The following KALRN variants were observed in gnomAD, a reference collection of about 807,000 sequenced individuals.
KALRN encodes the protein kalirin RhoGEF kinase, also known as kalirin.
Under a neutral mutation model 353.7 loss-of-function variants are expected in KALRN, and 70 were observed. That is an observed-to-expected ratio of 0.20 (90% confidence interval 0.16 to 0.24). KALRN has a LOEUF of 0.24. Ranked by LOEUF, KALRN falls within the 10% of genes least tolerant of loss-of-function variation. KALRN has a pLI of 1.00. For synonymous variants in KALRN, 1,391 were observed against 1,434.8 expected, an observed-to-expected ratio of 0.97 and a Z score of 0.69; for missense variants, 2,791 against 3,756.7, an observed-to-expected ratio of 0.74 and a Z score of 6.72.
rs1165074996 is a variant in KALRN at position 124,388,314 on chromosome 3, T to C, written c.1962+3278T>C. ...AAGTTTCTTTAATAAATTAGGAACT[T>C]AAAGACTCAACTTAGACATCATTTT... is the stretch of plus-strand genomic sequence containing the variant. On this transcript the variant is annotated intron_variant, in intron 11 of 59. Transcript: ENST00000682506. Among the ~76,000 whole-genome samples the C allele has an allele frequency of 4.6e-5, 7 of 152,218 alleles. No homozygotes were observed. In the East Asian group the frequency reaches 1.3e-3, roughly 29 times the overall value.
At chr3:124,201,906 C>A (rs1477191822) in intron 1 of KALRN, among the ~76,000 whole-genome samples, 1 of 152,220 alleles carries the variant, frequency 6.6e-6, no homozygotes, top group Non-Finnish European at 1.5e-5. Flanking sequence ...GGAGCCCTGA[C>A]CAGCAGCTGC....
intron 3 of KALRN, among the ~76,000 whole-genome samples, chr3:124,255,652 A>T (rs189427217): frequency 1.3e-5 from 2 of 152,338 alleles, no homozygotes; most frequent in East Asian, 3.9e-4. Flanking sequence ...TAGATACCCC[A>T]CAATAGCCAT....
At chr3:124,455,115 T>G in intron 21 of KALRN, 62 bp from the exon 22 acceptor site, 1 of 1,572,324 alleles carries the variant, frequency 6.4e-7, no homozygotes, top group Admixed American at 1.7e-5. Context: ...AAGAGAGGAT[T>G]TGGGGTGAAG....
At chr3:124,379,296 A>G (rs1283158017) in intron 10 of KALRN, among the ~76,000 whole-genome samples, 1 of 152,140 alleles carries the variant, frequency 6.6e-6, no homozygotes, top group Non-Finnish European at 1.5e-5. Context: ...ACCATTTTAA[A>G]ATACTTGTCT....
chr3:124,537,748 T>C (rs753320038), intron 33 of KALRN, among the ~76,000 whole-genome samples: 37 of 152,164 alleles, frequency 2.4e-4, no homozygotes, highest in Non-Finnish European at 8.8e-5. Flanking sequence ...AGGTAGCAGA[T>C]GAGTAGGAAA....
chr3:124,339,811 AC>A (rs1446856010), intron 9 of KALRN, among the ~76,000 whole-genome samples: 2 of 152,210 alleles, frequency 1.3e-5, no homozygotes, highest in African/African-American at 4.8e-5. Flanking sequence ...TCTTTAGTTT[AC>A]CTAAAACATC....
At chr3:124,566,002 A>G (rs1578026019) in intron 34 of KALRN, among the ~76,000 whole-genome samples, 1 of 152,202 alleles carries the variant, frequency 6.6e-6, no homozygotes, top group South Asian at 2.1e-4. Flanking sequence ...AGAACTTTCC[A>G]GCTAATTCTG....
At chr3:124,679,548 A>G in intron 51 of KALRN, 31 bp downstream of exon 51, 1 of 1,569,738 alleles carries the variant, frequency 6.4e-7, no homozygotes, top group Admixed American at 1.7e-5. Flanking sequence ...CCTATTTCCT[A>G]CAATGATTGC....
chr3:124,602,954 G>GTTGTTTTGTTTTGTT, intron 34 of KALRN, among the ~76,000 whole-genome samples: 1 of 38,162 alleles, frequency 2.6e-5, no homozygotes, highest in Non-Finnish European at 4.8e-5. Flanking sequence ...TTTTTTTGTT[G>GTTGTTTTGTTTTGTT]TTGTTTTGTT....
chr3:124,347,241 T>G lies in KALRN; in HGVS notation c.1746T>G (p.His582Gln). The G allele has an allele frequency of 6.2e-7, 1 of 1,610,434 alleles. No homozygotes were observed. The highest frequency in any genetic ancestry group is 1.7e-5 in the Admixed American group (1 of 59,700). Residue 582 changes from histidine to glutamine, a missense_variant, in exon 10 of 60, where the codon CAT becomes CAG. His to Gln is a conservative substitution (Grantham distance 24). Around this residue, in one of 11 missense-constraint regions of KALRN, gnomAD observed 15 missense variants for 54.6 expected, o/e 0.27. Transcript: ENST00000682506. ...GAGCCCGGGCCCTGCAGAAGAGGCA[T>G]GATGACTTTGAAGAGGTGGCTCAGG... ...LHRARALQKR[H>Q]DDFEEVAQNT...
At chr3:124,095,238 C>T (rs1158964353) in intron 1 of KALRN, among the ~76,000 whole-genome samples, 1 of 152,156 alleles carries the variant, frequency 6.6e-6, no homozygotes, top group African/African-American at 2.4e-5. Context: ...ATAGAACTCT[C>T]TGAGAAGCAG....
In KALRN at chr3:124,717,250, G is replaced by C; in HGVS notation, c.8280G>C (p.Met2760Ile). 1.9e-6 allele frequency: 3 copies of C among 1,594,956 alleles called. No individual in the cohort carries two copies. The highest frequency in any genetic ancestry group is 1.7e-6 in the Non-Finnish European group (2 of 1,172,334). ...GCCTTTCCCTGCCTACTTTCAGGAT[G>C]GATGATGGCCGGCTCTTAGACTACC... ...PTSYILILEL[M>I]DDGRLLDYLM... The change falls in exon 59 of 60, where the codon ATG (methionine) becomes ATC (isoleucine). Residue 2760 changes from methionine (M) to isoleucine (I), a missense_variant. Met to Ile is a conservative substitution (Grantham distance 10). Around this residue, in one of 11 missense-constraint regions of KALRN, gnomAD observed 188 missense variants for 402.9 expected, o/e 0.47. Coordinates refer to ENST00000682506, the MANE Select transcript of KALRN (RefSeq NM_001388419.1).
intron 14 of KALRN, among the ~76,000 whole-genome samples, chr3:124,417,629 A>G (rs1342860356): frequency 6.6e-6 from 1 of 152,248 alleles, no homozygotes; most frequent in African/African-American, 2.4e-5. Context: ...AAGTTTTGTG[A>G]GGATCACTCT....
At chr3:124,673,975 C>T (rs1221393212) in intron 48 of KALRN, among the ~76,000 whole-genome samples, 2 of 152,106 alleles carry the variant, frequency 1.3e-5, no homozygotes, top group Non-Finnish European at 2.9e-5. Flanking sequence ...AGGATTGTGA[C>T]CCCTGACATG....
intron 7 of KALRN, among the ~76,000 whole-genome samples, chr3:124,328,636 T>C (rs1247553851): frequency 6.6e-6 from 1 of 152,212 alleles, no homozygotes; most frequent in African/African-American, 2.4e-5. Context: ...AGAAATGGTC[T>C]AGTGTGTTAC....
chr3:124,513,382 G>T (rs2066164882), intron 33 of KALRN, among the ~76,000 whole-genome samples: 1 of 152,130 alleles, frequency 6.6e-6, no homozygotes, highest in South Asian at 2.1e-4. Flanking sequence ...TGATTCCAGA[G>T]GGAGGGGTTC....
In KALRN at chr3:124,326,174, A is replaced by G. The variant is rs1027706460; in HGVS notation, c.1284+3A>G. On this transcript the variant is annotated splice_donor_region_variant and intron_variant, in intron 7 of 59. Transcript: ENST00000682506. ...TGTTCCACCAGAAGGCTGAGCAGGTAAGGTGCAGAAACCTGCAGCAGCTGC... is the reference window on the plus strand; with the variant it reads ...TGTTCCACCAGAAGGCTGAGCAGGTGAGGTGCAGAAACCTGCAGCAGCTGC... 2.5e-6 allele frequency: 4 copies of G among 1,606,760 alleles called. No individual in the cohort carries two copies. The highest frequency in any genetic ancestry group is 3.4e-6 in the Non-Finnish European group (4 of 1,175,812).
chr3:124,326,233 G>A (rs2079893870), intron 7 of KALRN, 62 bp downstream of exon 7: 5 of 1,419,592 alleles, frequency 3.5e-6, no homozygotes, highest in Non-Finnish European at 3.9e-6. Context: ...GGGCAGGGGA[G>A]GGCTGGATGG....
chr3:124,277,257 G>A (rs1404387900), intron 5 of KALRN, among the ~76,000 whole-genome samples: 1 of 152,236 alleles, frequency 6.6e-6, no homozygotes, highest in Non-Finnish European at 1.5e-5. Flanking sequence ...GGCCAGAAGG[G>A]CAAGGCCTTT....
Sources: gnomAD v4.1 joint callset for allele counts (sites outside exome capture counted in the v4.1 genomes callset) on GRCh38, gnomAD v4.1.1 for gene constraint, gnomAD v4.1.1 regional missense constraint, MANE v1.5 for transcripts, NCBI Gene and HGNC (gene_info 2026-07-23, HGNC 2026-07-21) for gene names.